The following CNTNAP2 variants were observed in gnomAD, a reference collection of about 807,000 sequenced individuals.
The protein encoded by CNTNAP2 is contactin associated protein 2, also known as contactin-associated protein-like 2.
CNTNAP2 carries 98 observed loss-of-function variants against 155.2 expected under a neutral mutation model. That is an observed-to-expected ratio of 0.63 (90% CI 0.54 to 0.75). The LOEUF (loss-of-function observed/expected upper bound fraction) is 0.75. Ranked by LOEUF, CNTNAP2 falls within the 30% of genes least tolerant of loss-of-function variation. The pLI is 0.00. For synonymous variants in CNTNAP2, 651 were observed against 631.2 expected (o/e 1.03, Z -0.47); for missense variants, 1,727 against 1,688.1 (o/e 1.02, Z -0.40).
intron 13 of CNTNAP2, among the ~76,000 whole-genome samples, chr7:147,857,896 G>A (rs529408635): frequency 6.6e-6 from 1 of 152,282 alleles, no homozygotes; most frequent in Non-Finnish European, 1.5e-5. Flanking sequence ...AAAATAGTGT[G>A]AGTCACAGCA....
chr7:146,942,571 T>C (rs1223136770), intron 3 of CNTNAP2, among the ~76,000 whole-genome samples: 1 of 151,880 alleles, frequency 6.6e-6, no homozygotes, highest in Non-Finnish European at 1.5e-5. Context: ...TAAATTAAAA[T>C]AAAAAGGCCG....
chr7:147,136,290 A>G (rs1008663831), intron 8 of CNTNAP2, among the ~76,000 whole-genome samples: 2 of 151,970 alleles, frequency 1.3e-5, no homozygotes, highest in Non-Finnish European at 2.9e-5. Flanking sequence ...GTCCTGTCCT[A>G]AATCAGCTGT....
At chr7:146,498,248 C>A (rs151256476) in intron 1 of CNTNAP2, among the ~76,000 whole-genome samples, 7 of 152,246 alleles carry the variant, frequency 4.6e-5, no homozygotes, top group African/African-American at 1.7e-4. Context: ...TCTGCCTAGA[C>A]CACATCCTCA....
chr7:147,356,665 G>A (rs1796066894), intron 9 of CNTNAP2, among the ~76,000 whole-genome samples: 1 of 152,112 alleles, frequency 6.6e-6, no homozygotes, highest in Non-Finnish European at 1.5e-5. Flanking sequence ...TAGTCTAAGT[G>A]AAAGACATGT....
At chr7:147,885,675 A>G (rs1470279873) in intron 13 of CNTNAP2, among the ~76,000 whole-genome samples, 1 of 152,108 alleles carries the variant, frequency 6.6e-6, no homozygotes, top group Non-Finnish European at 1.5e-5. Flanking sequence ...GATCACCTGA[A>G]ACATGAGTCT....
chr7:146,910,311 G>T (rs1796243706), intron 3 of CNTNAP2, among the ~76,000 whole-genome samples: 1 of 150,004 alleles, frequency 6.7e-6, no homozygotes, highest in Non-Finnish European at 1.5e-5. Context: ...CTACTTTAAA[G>T]TTCATATGGT....
At chr7:146,201,498 T>C (rs1298988536) in intron 1 of CNTNAP2, among the ~76,000 whole-genome samples, 2 of 152,170 alleles carry the variant, frequency 1.3e-5, no homozygotes, top group Non-Finnish European at 2.9e-5. Flanking sequence ...GCCTGAGCCT[T>C]ACCTTCCACA....
chr7:147,566,381 T>A (rs973238296), intron 12 of CNTNAP2, among the ~76,000 whole-genome samples: 48 of 43,806 alleles, frequency 1.1e-3, no homozygotes, highest in Middle Eastern at 0.018. Context: ...AGAAGGGGGG[T>A]GGGGGGATGA....
chr7:147,573,040 T>G (rs1800324974), intron 12 of CNTNAP2, among the ~76,000 whole-genome samples: 1 of 152,142 alleles, frequency 6.6e-6, no homozygotes, highest in Non-Finnish European at 1.5e-5. Context: ...CCAAGAAAGT[T>G]AAATAGTAAA....
At chr7:148,055,194 C>T (rs1163548565) in intron 15 of CNTNAP2, among the ~76,000 whole-genome samples, 3 of 152,216 alleles carry the variant, frequency 2.0e-5, no homozygotes, top group Non-Finnish European at 4.4e-5. Flanking sequence ...TATAAATAGG[C>T]ATCTTTGATG....
chr7:147,963,782 A>C (rs937808314), intron 14 of CNTNAP2, among the ~76,000 whole-genome samples: 2 of 152,142 alleles, frequency 1.3e-5, no homozygotes. Context: ...GGAAGTGCAC[A>C]CATCTTAAAT....
At chr7:148,180,919 C>T (rs998128863) in intron 18 of CNTNAP2, among the ~76,000 whole-genome samples, 3 of 152,138 alleles carry the variant, frequency 2.0e-5, no homozygotes, top group Non-Finnish European at 4.4e-5. Flanking sequence ...GGAAGAGCTA[C>T]CCTCAATGTG....
At chr7:148,122,571 C>A (rs1311633133) in intron 16 of CNTNAP2, among the ~76,000 whole-genome samples, 1 of 152,088 alleles carries the variant, frequency 6.6e-6, no homozygotes, top group East Asian at 1.9e-4. Context: ...AAGGTGGGCA[C>A]AGATGAGCAC....
At position 147,639,092 on chromosome 7, in the gene CNTNAP2, T is replaced by C. The variant is rs1305401871; in HGVS notation, c.1898-14T>C. The C allele has an allele frequency of 6.2e-7, 1 of 1,613,898 alleles. No individual in the cohort carries two copies. The highest frequency in any genetic ancestry group is 8.5e-7 in the Non-Finnish European group (1 of 1,179,888). The stretch of plus-strand genomic sequence containing the variant: ...ACTAATGATCCAGGGTCCTGGTTGT[T>C]TTTCTCCCCACAGAGGACAAAGTGT... On this transcript the variant is annotated splice_polypyrimidine_tract_variant and intron_variant, in intron 12 of 23. Coordinates refer to ENST00000361727, the MANE Select transcript of CNTNAP2 (RefSeq NM_014141.6).
intron 10 of CNTNAP2, among the ~76,000 whole-genome samples, chr7:147,404,496 T>C (rs551049764): frequency 6.6e-6 from 1 of 152,342 alleles, no homozygotes; most frequent in South Asian, 2.1e-4. Context: ...ATTTCCCATA[T>C]TGGATTCCAC....
intron 1 of CNTNAP2, among the ~76,000 whole-genome samples, chr7:146,617,302 T>C (rs1166979973): frequency 6.6e-6 from 1 of 152,210 alleles, no homozygotes; most frequent in Non-Finnish European, 1.5e-5. Flanking sequence ...GGTTCATGAA[T>C]AGACTACAAA....
chr7:148,334,939 C>G (rs149842825), intron 21 of CNTNAP2, among the ~76,000 whole-genome samples: 2 of 152,222 alleles, frequency 1.3e-5, no homozygotes, highest in Non-Finnish European at 2.9e-5. Flanking sequence ...ACCAATGACT[C>G]TTTGTCCTTG....
At chr7:147,920,805 C>CTTTTTTT (rs1219556681) in intron 14 of CNTNAP2, among the ~76,000 whole-genome samples, 7 of 100,654 alleles carry the variant, frequency 7.0e-5, no homozygotes, top group African/African-American at 2.5e-4. Flanking sequence ...CTGCTCCTGT[C>CTTTTTTT]TTTTTTTTTT....
At chr7:147,454,005 T>G (rs893216926) in intron 10 of CNTNAP2, among the ~76,000 whole-genome samples, 6 of 64,684 alleles carry the variant, frequency 9.3e-5, no homozygotes, top group African/African-American at 5.1e-4. Flanking sequence ...CTTATAAAAC[T>G]GGGGCAAAAA....
Sources: gnomAD v4.1 joint callset for allele counts (sites outside exome capture counted in the v4.1 genomes callset) on GRCh38, gnomAD v4.1.1 for gene constraint, MANE v1.5 for transcripts, NCBI Gene and HGNC (gene_info 2026-07-23, HGNC 2026-07-21) for gene names.